The following RBM6 variants were observed in gnomAD, a reference collection of about 807,000 sequenced individuals.
The protein encoded by RBM6 is RNA-binding protein 6.
RBM6 carries 23 observed loss-of-function variants against 140.4 expected under a neutral mutation model. The ratio of observed to expected loss-of-function variants is 0.16; its 90% CI spans 0.12 to 0.23. The LOEUF (loss-of-function observed/expected upper bound fraction) is 0.23, where lower values mean the gene tolerates loss of function less well. Ranked by LOEUF, RBM6 falls within the 10% of genes least tolerant of loss-of-function variation. The pLI is 1.00. For synonymous variants in RBM6, 439 were observed against 475.6 expected, an observed-to-expected ratio of 0.92 and a Z score of 1.00; for missense variants, 1,139 against 1,386.7, an observed-to-expected ratio of 0.82 and a Z score of 2.84.
At chr3:49,992,522 G>A (rs2085875709) in intron 5 of RBM6, among the ~76,000 whole-genome samples, 1 of 152,162 alleles carries the variant, frequency 6.6e-6, no homozygotes, top group African/African-American at 2.4e-5. Flanking sequence ...TTATTTCATT[G>A]CATCCCTGAA....
At chr3:50,046,809 G>T (rs191659364) in intron 6 of RBM6, among the ~76,000 whole-genome samples, 43 of 152,294 alleles carry the variant, frequency 2.8e-4, no homozygotes, top group African/African-American at 1.0e-3. Flanking sequence ...AATGAAACAG[G>T]AGATCCCTTC....
rs758007378 is a variant in RBM6 at position 50,065,044 on chromosome 3, C to T, written c.2600C>T (p.Ala867Val). 1.2e-6 allele frequency: 2 copies of T among 1,612,764 alleles called. No homozygotes were observed. Among genetic ancestry groups the T allele is most frequent in the Non-Finnish European group, 1.7e-6 (2 of 1,178,962 alleles). Residue 867 changes from alanine to valine, a missense_variant, in exon 16 of 21, where the codon GCC becomes GTC. This residue lies in a region of RBM6 where 163 missense variants were observed against 182.8 expected (regional missense o/e 0.89). Transcript: ENST00000266022. ...DRGVTRFQEN[A>V]SEGKAPAEDV... ...TGGTTTGATCAGTTTCAGGAAAATG[C>T]CAGTGAAGGGAAGGCCCCTGCAGAA...
At chr3:49,957,595 AACTT>A (rs2084053822) in intron 1 of RBM6, among the ~76,000 whole-genome samples, 1 of 152,198 alleles carries the variant, frequency 6.6e-6, no homozygotes, top group Non-Finnish European at 1.5e-5. Context: ...AATTTATACT[AACTT>A]AAGTTCCATA....
rs374134455 is a variant in RBM6, at chr3:50,068,742, A to G, written c.2996A>G (p.Tyr999Cys). 166 of 1,614,018 alleles carry G rather than the reference A, an allele frequency of 1.0e-4. No individual in the cohort carries two copies. Among genetic ancestry groups the G allele is most frequent in the Non-Finnish European group, 1.3e-4 (148 of 1,180,000 alleles). The part of the protein sequence containing the change: ...KIKQSEQELA[Y>C]LERREREGKF... The stretch of plus-strand genomic sequence containing the variant: ...AAACAGTCTGAGCAGGAGCTAGCCT[A>G]TCTGGAAAGGAGAGAACGAGAGGTA... The change falls in exon 18 of 21, where the codon TAT becomes TGT. Residue 999 changes from tyrosine (Y) to cysteine (C), a missense_variant. Around this residue, in one of 9 missense-constraint regions of RBM6, gnomAD observed 40 missense variants for 80.1 expected, o/e 0.50. Transcript: ENST00000266022.
intron 1 of RBM6, among the ~76,000 whole-genome samples, chr3:49,942,636 T>G (rs1398369620): frequency 6.6e-6 from 1 of 152,168 alleles, no homozygotes; most frequent in Non-Finnish European, 1.5e-5. Flanking sequence ...CTCACGCCTG[T>G]AATCCCAGCA....
At chr3:49,975,637 G>A (rs1188242001) in intron 5 of RBM6, among the ~76,000 whole-genome samples, 3 of 152,198 alleles carry the variant, frequency 2.0e-5, no homozygotes, top group Non-Finnish European at 4.4e-5. Context: ...ATAGAGTGTT[G>A]CAGCAATTGC....
At chr3:49,989,402 C>G (rs55691491) in intron 5 of RBM6, among the ~76,000 whole-genome samples, 1 of 151,976 alleles carries the variant, frequency 6.6e-6, no homozygotes, top group East Asian at 1.9e-4. Context: ...TGGTGAAACC[C>G]CATCTCTACT....
chr3:49,962,092 T>C (rs1408139661), intron 1 of RBM6, among the ~76,000 whole-genome samples: 30 of 144,018 alleles, frequency 2.1e-4, no homozygotes, highest in Non-Finnish European at 4.2e-4. Flanking sequence ...GAGGTTGCAG[T>C]GGGCTGAGAT....
intron 8 of RBM6, among the ~76,000 whole-genome samples, chr3:50,054,681 T>G (rs2089630240): frequency 6.6e-6 from 1 of 151,902 alleles, no homozygotes; most frequent in Non-Finnish European, 1.5e-5. Context: ...GCCCGGCTAA[T>G]TTTTTTGTAT....
chr3:49,992,879 A>C (rs1042874438), intron 5 of RBM6, among the ~76,000 whole-genome samples: 1 of 152,344 alleles, frequency 6.6e-6, no homozygotes, highest in African/African-American at 2.4e-5. Context: ...CTTTTCTGCC[A>C]GACTGAAGTG....
intron 6 of RBM6, among the ~76,000 whole-genome samples, chr3:50,008,642 C>T (rs2086697483): frequency 6.8e-6 from 1 of 148,008 alleles, no homozygotes; most frequent in Admixed American, 7.0e-5. Context: ...CAACCTCCAC[C>T]TCCCGGGTTA....
chr3:49,965,453 A>G (rs2084464164), intron 2 of RBM6, among the ~76,000 whole-genome samples: 1 of 151,678 alleles, frequency 6.6e-6, no homozygotes, highest in South Asian at 2.1e-4. Flanking sequence ...GTGGATCACG[A>G]GGTCAGGAGA....
intron 5 of RBM6, among the ~76,000 whole-genome samples, chr3:49,976,966 T>C (rs2085089819): frequency 6.6e-6 from 1 of 152,238 alleles, no homozygotes; most frequent in Non-Finnish European, 1.5e-5. Flanking sequence ...TTATTTTTGT[T>C]TTTTAGTGAA....
intron 7 of RBM6, among the ~76,000 whole-genome samples, chr3:50,051,391 C>T (rs2089460290): frequency 6.6e-6 from 1 of 152,200 alleles, no homozygotes; most frequent in African/African-American, 2.4e-5. Context: ...CCTATAATCC[C>T]AGCACTTTGG....
intron 6 of RBM6, among the ~76,000 whole-genome samples, chr3:50,040,932 A>G (rs762955530): frequency 1.3e-5 from 2 of 152,110 alleles, no homozygotes; most frequent in Non-Finnish European, 2.9e-5. Flanking sequence ...GGCGTGAGCC[A>G]CTGTGCCCAG....
At chr3:49,940,784 A>G (rs571443195) in intron 1 of RBM6, 2 of 151,030 alleles carry the variant, frequency 1.3e-5, no homozygotes, top group Admixed American at 6.6e-5. Context: ...AAGGAGAAGG[A>G]TGTTTTATCG....
At chr3:49,979,438 G>GTTTTTT (rs35205938) in intron 5 of RBM6, among the ~76,000 whole-genome samples, 1 of 124,572 alleles carries the variant, frequency 8.0e-6, no homozygotes, top group Non-Finnish European at 1.7e-5. Context: ...TGCTTACTTT[G>GTTTTTT]TTTTTTTTTT....
At chr3:49,973,428 T>TG (rs1485744785) in intron 4 of RBM6, among the ~76,000 whole-genome samples, 1 of 152,078 alleles carries the variant, frequency 6.6e-6, no homozygotes, top group Non-Finnish European at 1.5e-5. Context: ...GGAAGTGCTG[T>TG]GGCCCTGGAC....
chr3:50,070,612 C>G, intron 19 of RBM6, 60 bp downstream of exon 19: 1 of 1,183,152 alleles, frequency 8.5e-7, no homozygotes, highest in African/African-American at 1.5e-5. Context: ...ACCACCTCCT[C>G]CTTCAACTGT....
Sources: gnomAD v4.1 joint callset for allele counts (sites outside exome capture counted in the v4.1 genomes callset) on GRCh38, gnomAD v4.1.1 for gene constraint, gnomAD v4.1.1 regional missense constraint, MANE v1.5 for transcripts, NCBI Gene and HGNC (gene_info 2026-07-23, HGNC 2026-07-21) for gene names.